Variants in CCDC154 observed in about 807,000 individuals in gnomAD.
CCDC154 encodes coiled-coil domain-containing protein 154.
CCDC154 carries 91 observed loss-of-function variants against 87.5 expected under a neutral mutation model. The observed-to-expected ratio is 1.04, with a 90% CI of 0.88 to 1.24. The LOEUF is 1.24. CCDC154 is among the 50% of genes most tolerant of loss of function. CCDC154 has a pLI of 0.00. For missense variants in CCDC154, 903 were observed against 879.2 expected, an observed-to-expected ratio of 1.03 and a Z score of -0.34; for synonymous variants, 418 against 400.4, an observed-to-expected ratio of 1.04 and a Z score of -0.52.
At chr16:1,437,540 G>A (rs968891939) in intron 11 of CCDC154, 6 of 428,976 alleles carry the variant, frequency 1.4e-5, no homozygotes, top group Admixed American at 8.0e-5. Flanking sequence ...TGTCTGCCCC[G>A]CCGTGAGCTG....
chr16:1,443,594 G>T lies in CCDC154; in HGVS notation c.326C>A (p.Ala109Asp). ...SLLRELLQVR[A>D]RVQLQGSELR... ...CTCTGAGCCCTGCAGCTGCACGCGG[G>T]CCCGCACCTGGAGCAGCTCCCGCAG... The change falls in exon 3 of 17, where the codon GCC (alanine) becomes GAC (aspartate). Residue 109 changes from alanine to aspartate, a missense_variant. Physicochemically the swap from Ala to Asp is moderately radical, Grantham distance 126 (BLOSUM62 -2). Coordinates refer to ENST00000389176, the MANE Select transcript of CCDC154 (RefSeq NM_001143980.3). The T allele has an allele frequency of 6.9e-7, 1 of 1,451,756 alleles. No homozygotes were observed. Among genetic ancestry groups the T allele is most frequent in the South Asian group, 1.2e-5 (1 of 80,300 alleles). 89.9% of individuals were successfully genotyped at this position (1,451,756 alleles called of 1,614,324 possible). A position where few individuals can be genotyped will look rare whatever the true frequency, so the allele number is the denominator to read the frequency against.
rs1183940093 is a variant in CCDC154, at chr16:1,443,514, C to A, written c.406G>T (p.Ala136Ser). ...RPAAQAPEKE[A>S]PEFSGLQNQM... ...GTGGGGGAGCCGCTCACCTCCGGCG[C>A]CTCCTTTTCGGGGGCCTGGGCTGCC... The change falls in exon 3 of 17, where the codon GCG (alanine) becomes TCG (serine). Residue 136 changes from alanine (A) to serine (S), a missense_variant. Transcript: ENST00000389176. 4 of 1,472,158 alleles carry A rather than the reference C, an allele frequency of 2.7e-6. No homozygotes were observed. The highest frequency in any genetic ancestry group is 3.6e-6 in the Non-Finnish European group (4 of 1,120,614). The allele number at this position is 1,472,158 out of a possible 1,614,324, so 91.2% of individuals were successfully genotyped here. A position where few individuals can be genotyped will look rare whatever the true frequency, so the allele number is the denominator to read the frequency against.
chr16:1,443,134 C>A, intron 4 of CCDC154, 127 bp downstream of exon 4: 1 of 1,359,172 alleles, frequency 7.4e-7, no homozygotes, highest in South Asian at 1.3e-5. Flanking sequence ...TCTAGCTGGA[C>A]CTGGATGTGT....
chr16:1,434,597 G>A (rs952462473), intron 16 of CCDC154, 63 bp from the exon 17 acceptor site: 32 of 1,496,438 alleles, frequency 2.1e-5, no homozygotes, highest in Non-Finnish European at 2.7e-5. Flanking sequence ...CCCACCTGCT[G>A]CCTGTGGGCC....
At chr16:1,442,803 C>T (rs957687755) in intron 5 of CCDC154, 77 bp downstream of exon 5, 30 of 1,396,890 alleles carry the variant, frequency 2.1e-5, no homozygotes, top group East Asian at 1.2e-4. Flanking sequence ...CAGGGGGACC[C>T]GTGTCTTGGC....
rs1297706213 is a variant in CCDC154, at chr16:1,444,372, T to G, written c.-50A>C. 4 of 1,195,702 alleles carry G rather than the reference T, an allele frequency of 3.3e-6. No individual in the cohort carries two copies. Among genetic ancestry groups the G allele is most frequent in the Admixed American group, 2.6e-5 (1 of 39,116 alleles). The allele number at this position is 1,195,702 out of a possible 1,614,324, so 74.1% of individuals were successfully genotyped here. On this transcript the variant is annotated 5_prime_UTR_variant, in exon 1 of 17. Transcript: ENST00000389176. ...CTGCCCTCGGCTGTAGCTTGGGCCT[T>G]GGGGCCTCTGAGGTTGCCCAGAGCT...
chr16:1,443,036 G>C lies in CCDC154; in HGVS notation c.456-61C>G, dbSNP rs79206326. On this transcript the variant is annotated intron_variant, in intron 4 of 16. Transcript: ENST00000389176. ...CGGGCTGAGCAGCCTCGGCGGGCTGGGGGTCTGGCCAAGGGGCCCCTGTGG... is the reference window on the plus strand; with the variant it reads ...CGGGCTGAGCAGCCTCGGCGGGCTGCGGGTCTGGCCAAGGGGCCCCTGTGG... 2.7e-5 allele frequency: 41 copies of C among 1,535,872 alleles called. No individual in the cohort carries two copies. The African/African-American group carries it at 3.8e-4, about 14-fold the overall frequency.
In CCDC154 at chr16:1,434,634, C is replaced by T. The variant is rs1282593971; in HGVS notation, c.1877+34G>A. 5 of 1,539,612 alleles carry T rather than the reference C, an allele frequency of 3.2e-6. No individual in the cohort carries two copies. The East Asian group carries it at 1.2e-4, about 38-fold the overall frequency. ...CCAGCCCTGAACCCCGGCCCAAAGG[C>T]CCAGGAGGCCGCGCCGGGATCCCTG... On this transcript the variant is annotated intron_variant, in intron 16 of 16. Coordinates refer to ENST00000389176, the MANE Select transcript of CCDC154 (RefSeq NM_001143980.3).
chr16:1,437,162 G>A (rs935274485), intron 11 of CCDC154: 13 of 337,648 alleles, frequency 3.9e-5, no homozygotes, highest in African/African-American at 1.1e-4. Flanking sequence ...ACCGGGGGGC[G>A]GCGCCTACGC....
At chr16:1,434,891 C>T (rs2038487109) in intron 15 of CCDC154, 39 bp from the exon 16 acceptor site, 1 of 1,469,476 alleles carries the variant, frequency 6.8e-7, no homozygotes, top group Non-Finnish European at 9.0e-7. Context: ...AGGAGCCAGA[C>T]CTCCGGGCAG....
In CCDC154 at chr16:1,438,118, C is replaced by T. The variant is rs1169177197; in HGVS notation, c.1084G>A (p.Glu362Lys). Residue 362 changes from glutamate to lysine, a missense_variant, in exon 10 of 17, where the codon GAG becomes AAG. Transcript: ENST00000389176. ...GCCAGCTGTGCGGCCTCCAGGTTCTCCTGCACATAGGCGGCCAGCTCCCCA... is the reference window on the plus strand; with the variant it reads ...GCCAGCTGTGCGGCCTCCAGGTTCTTCTGCACATAGGCGGCCAGCTCCCCA... ...RAGELAAYVQ[E>K]NLEAAQLAGE... is the part of the protein sequence containing the mutation. The T allele has an allele frequency of 1.9e-6, 3 of 1,548,724 alleles. No individual in the cohort carries two copies. Among genetic ancestry groups the T allele is most frequent in the Admixed American group, 3.9e-5 (2 of 50,950 alleles).
rs746587594 is a variant in CCDC154 at position 1,436,090 on chromosome 16, T to C, written c.1488-4A>G. The C allele has an allele frequency of 1.3e-6, 2 of 1,549,080 alleles. No homozygotes were observed. Among genetic ancestry groups the C allele is most frequent in the South Asian group, 1.2e-5 (1 of 84,050 alleles). ...CAGGGCCCCAACCTTGAACTCCCTA[T>C]GGGCACCAGAGGCCGAGGCTGGCTG... is the stretch of plus-strand genomic sequence containing the variant. On this transcript the variant is annotated splice_polypyrimidine_tract_variant and splice_region_variant and intron_variant, in intron 13 of 16. Coordinates refer to ENST00000389176, the MANE Select transcript of CCDC154 (RefSeq NM_001143980.3).
Position 1,434,491 on chromosome 16 carries a change from G to T in CCDC154, c.1921C>A (p.Arg641=), listed in dbSNP as rs983130362. ...TTCTCCAGGACCCCTCCTGGCCTCC[G>T]CAGGGCCCTGAGCTTTATGAGGGAC... ...KASLIKLRAL[R]RPGGVLEKPH... is the part of the protein sequence containing the mutation. Residue 641 remains arginine, a synonymous_variant, in exon 17 of 17, where the codon CGG becomes AGG. Transcript: ENST00000389176. 5.8e-6 allele frequency: 9 copies of T among 1,549,564 alleles called. No homozygotes were observed. The African/African-American group carries it at 1.2e-4, about 21-fold the overall frequency.
intron 4 of CCDC154, 24 bp from the exon 5 acceptor site, chr16:1,442,999 G>GA: frequency 6.5e-7 from 1 of 1,549,426 alleles, no homozygotes; most frequent in South Asian, 1.2e-5. Flanking sequence ...AGCCATTCCC[G>GA]AGAGGCCCAG....
intron 1 of CCDC154, 114 bp from the exon 2 acceptor site, chr16:1,444,126 C>G: frequency 2.9e-6 from 3 of 1,017,592 alleles, no homozygotes; most frequent in Non-Finnish European, 4.0e-6. Flanking sequence ...GAGCTCAACG[C>G]GTCTCCTTGG....
chr16:1,440,707 T>C (rs2038544023), intron 6 of CCDC154, among the ~76,000 whole-genome samples: 2 of 151,580 alleles, frequency 1.3e-5, no homozygotes, highest in Non-Finnish European at 2.9e-5. Flanking sequence ...TCCCAGCACT[T>C]TGGGAGGCCG....
chr16:1,435,202 G>C (rs1239094872), intron 14 of CCDC154, 27 bp from the exon 15 acceptor site: 1 of 1,542,352 alleles, frequency 6.5e-7, no homozygotes, highest in South Asian at 1.2e-5. Flanking sequence ...TTTGGGCACA[G>C]ACAGGGCCAG....
rs1216730253 is a variant in CCDC154 at position 1,438,079 on chromosome 16, G to C, written c.1123C>G (p.Arg375Gly). The C allele has an allele frequency of 1.3e-6, 2 of 1,548,342 alleles. No individual in the cohort carries two copies. The highest frequency in any genetic ancestry group is 2.0e-5 in the Admixed American group (1 of 50,934). Residue 375 changes from arginine (R) to glycine (G), a missense_variant, in exon 10 of 17, where the codon CGG (arginine) becomes GGG (glycine). Coordinates refer to ENST00000389176, the MANE Select transcript of CCDC154 (RefSeq NM_001143980.3). ...ACCAGCTCTCCATGCATCTCCTGCC[G>C]GGCCAGCTCGCCAGCCAGCTGTGCG... is the stretch of plus-strand genomic sequence containing the variant. ...EAAQLAGELA[R>G]QEMHGELVLL... is the part of the protein sequence containing the mutation.
At chr16:1,435,018 A>T in intron 15 of CCDC154, 71 bp downstream of exon 15, 1 of 1,469,324 alleles carries the variant, frequency 6.8e-7, no homozygotes, top group East Asian at 2.5e-5. Context: ...GCAGCAGGGC[A>T]GGCGGGGAGG....
Sources: allele counts gnomAD v4.1 joint callset (sites outside exome capture counted in the v4.1 genomes callset), GRCh38; gene constraint gnomAD v4.1.1; transcripts MANE v1.5; gene names NCBI Gene and HGNC (gene_info 2026-07-23, HGNC 2026-07-21).